The following TEX10 variants were observed in gnomAD, a reference collection of about 807,000 sequenced individuals.
The protein encoded by TEX10 is testis-expressed protein 10.
TEX10 carries 24 observed loss-of-function variants against 104.4 expected under a neutral mutation model. That is an observed-to-expected ratio of 0.23 (90% CI 0.17 to 0.32). TEX10 has a LOEUF of 0.32. Ranked by LOEUF, TEX10 falls within the 10% of genes least tolerant of loss-of-function variation. The pLI, the probability that TEX10 is intolerant of heterozygous loss-of-function variation, is 1.00. For synonymous variants in TEX10, 396 were observed against 393.4 expected (o/e 1.01, Z -0.08); for missense variants, 921 against 1,083.9 (o/e 0.85, Z 2.11).
At chr9:100,349,853 C>T (rs1005824207) in intron 1 of TEX10, among the ~76,000 whole-genome samples, 10 of 152,036 alleles carry the variant, frequency 6.6e-5, no homozygotes, top group African/African-American at 1.5e-4. Flanking sequence ...GATTTATGAA[C>T]CTAAGCTGAG....
chr9:100,321,718 A>T lies in TEX10; in HGVS notation c.2033T>A (p.Val678Glu). The change falls in exon 10 of 15, where the codon GTA becomes GAA. Residue 678 changes from valine to glutamate, a missense_variant. Physicochemically the swap from Val to Glu is moderately radical, Grantham distance 121 (BLOSUM62 -2). This residue lies in a region of TEX10 where 753 missense variants were observed against 868.4 expected (regional missense o/e 0.87). Transcript: ENST00000374902. ...GGAAAATAAGAAGCTGAAATAGTCT[A>T]CATCACTCATCAACCAGTCTTTAGC... ...YSAKDWLMSD[V>E]DYFSFLFSTL... The T allele has an allele frequency of 2.5e-6, 4 of 1,612,730 alleles. No individual in the cohort carries two copies. Among genetic ancestry groups the T allele is most frequent in the Non-Finnish European group, 3.4e-6 (4 of 1,179,710 alleles).
At chr9:100,352,621 G>A (rs2118953989) in intron 1 of TEX10, 151 bp downstream of exon 1, 2 of 1,468,150 alleles carry the variant, frequency 1.4e-6, no homozygotes, top group Admixed American at 2.3e-5. Flanking sequence ...CCCAGGCCCA[G>A]CTCGGAGGGA....
intron 5 of TEX10, among the ~76,000 whole-genome samples, chr9:100,335,699 C>T (rs1424102141): frequency 6.6e-6 from 1 of 151,180 alleles, no homozygotes; most frequent in Non-Finnish European, 1.5e-5. Context: ...ATCATTAGTG[C>T]AAATGTCAAA....
chr9:100,352,331 C>T, intron 1 of TEX10: 1 of 1,548,956 alleles, frequency 6.5e-7, no homozygotes, highest in Non-Finnish European at 8.7e-7. Context: ...TTAACTCTCC[C>T]GCCTGGGCGA....
In TEX10 at chr9:100,310,293, A is replaced by T; in HGVS notation, c.2283+6T>A. 2 of 1,613,464 alleles carry T rather than the reference A, an allele frequency of 1.2e-6. No homozygotes were observed. The highest frequency in any genetic ancestry group is 1.7e-6 in the Non-Finnish European group (2 of 1,179,488). On this transcript the variant is annotated splice_donor_region_variant and intron_variant, in intron 12 of 14. Transcript: ENST00000374902. ...TTCTTAAGAGAAAAAGTTTAAGGAT[A>T]CTTACCAAATGCTTACTGATGGCAC...
At chr9:100,318,439 T>A (rs1564206637) in intron 11 of TEX10, among the ~76,000 whole-genome samples, 1 of 152,102 alleles carries the variant, frequency 6.6e-6, no homozygotes, top group Non-Finnish European at 1.5e-5. Context: ...GAGTGTGAAA[T>A]GACATACAAT....
chr9:100,339,306 CAT>C (rs1256475968), intron 5 of TEX10, among the ~76,000 whole-genome samples: 11 of 108,350 alleles, frequency 1.0e-4, no homozygotes, highest in African/African-American at 4.0e-4. Flanking sequence ...TATATATACA[CAT>C]ATTTGTTTTT....
At chr9:100,314,615 C>A (rs1450795137) in intron 11 of TEX10, among the ~76,000 whole-genome samples, 1 of 152,066 alleles carries the variant, frequency 6.6e-6, no homozygotes, top group African/African-American at 2.4e-5. Context: ...CTTCACTATT[C>A]TTCCTTAGTC....
In TEX10 at chr9:100,302,120, T is replaced by A; in HGVS notation, c.*71A>T. The A allele has an allele frequency of 1.1e-6, 1 of 890,260 alleles. No individual in the cohort carries two copies. Among genetic ancestry groups the A allele is most frequent in the Non-Finnish European group, 1.7e-6 (1 of 596,050 alleles). The allele number at this position is 890,260 out of a possible 1,614,324, so 55.1% of individuals were successfully genotyped here. On this transcript the variant is annotated 3_prime_UTR_variant, in exon 15 of 15. Transcript: ENST00000374902. ...TTCAGCTTTAATGACAAAGATCTAT[T>A]ACATCAGTCTTTTTCTTCAAATAAG...
At chr9:100,339,221 G>A (rs1835093437) in intron 5 of TEX10, among the ~76,000 whole-genome samples, 1 of 113,156 alleles carries the variant, frequency 8.8e-6, no homozygotes, top group African/African-American at 3.6e-5. Context: ...GCCACAGCCT[G>A]GGAAACAGAG....
intron 5 of TEX10, among the ~76,000 whole-genome samples, chr9:100,335,614 T>C (rs1175956624): frequency 6.6e-6 from 1 of 152,192 alleles, no homozygotes; most frequent in Non-Finnish European, 1.5e-5. Context: ...AGAATACATG[T>C]CTACTAGTAT....
At position 100,326,464 on chromosome 9, in the gene TEX10, G is replaced by C; in HGVS notation, c.1817C>G (p.Ala606Gly). 6.2e-7 allele frequency: 1 copy of C among 1,613,272 alleles called. No homozygotes were observed. Among genetic ancestry groups the C allele is most frequent in the South Asian group, 1.1e-5 (1 of 90,998 alleles). ...ALRIYDPQEG[A>G]VVVLPADSQQ... ...AGAGTCTGCAGGGAGAACCACCACAGCACCTTCTTGTGGATCTAGTGAGGT... is the reference window on the plus strand; with the variant it reads ...AGAGTCTGCAGGGAGAACCACCACACCACCTTCTTGTGGATCTAGTGAGGT... Residue 606 changes from alanine (A) to glycine (G), a missense_variant, in exon 9 of 15, where the codon GCT (alanine) becomes GGT (glycine). By Grantham distance (60) the Ala-to-Gly change is moderately conservative. Coordinates refer to ENST00000374902, the MANE Select transcript of TEX10 (RefSeq NM_017746.4).
At chr9:100,346,562 A>C (rs1835303667) in intron 3 of TEX10, 132 bp downstream of exon 3, 2 of 1,084,784 alleles carry the variant, frequency 1.8e-6, no homozygotes, top group African/African-American at 3.1e-5. Flanking sequence ...TCAGTAAATA[A>C]AATCAAATCA....
At chr9:100,323,888 T>A (rs957586801) in intron 9 of TEX10, among the ~76,000 whole-genome samples, 1 of 152,182 alleles carries the variant, frequency 6.6e-6, no homozygotes, top group African/African-American at 2.4e-5. Context: ...ACAGGATGCA[T>A]AGGACTGAGA....
intron 11 of TEX10, among the ~76,000 whole-genome samples, chr9:100,311,414 T>TG (rs1474724692): frequency 6.6e-6 from 1 of 152,126 alleles, no homozygotes. Flanking sequence ...AAATAAGTGT[T>TG]ATTCAAGGAC....
In TEX10 at chr9:100,330,075, T is replaced by C. The variant is rs191772783; in HGVS notation, c.1345A>G (p.Thr449Ala). 685 of 1,614,160 alleles carry C rather than the reference T, an allele frequency of 4.2e-4. No individual in the cohort carries two copies. The highest frequency in any genetic ancestry group is 5.1e-4 in the Non-Finnish European group (598 of 1,180,012). The change falls in exon 6 of 15, where the codon ACT (threonine) becomes GCT (alanine). Residue 449 changes from threonine to alanine, a missense_variant. Thr to Ala is a moderately conservative substitution (Grantham distance 58). Around this residue, in one of 3 missense-constraint regions of TEX10, gnomAD observed 753 missense variants for 868.4 expected, o/e 0.87. Transcript: ENST00000374902. ...DIMVSLANAS[T>A]LQKDCSWIEM... is the part of the protein sequence containing the mutation. The stretch of plus-strand genomic sequence containing the variant: ...ATCCAACTGCAATCCTTCTGCAAAG[T>C]TGACGCATTTGCCAGGGAGACCATG...
intron 11 of TEX10, among the ~76,000 whole-genome samples, chr9:100,313,931 T>C (rs1834347146): frequency 6.6e-6 from 1 of 151,942 alleles, no homozygotes; most frequent in Admixed American, 6.6e-5. Flanking sequence ...TATCACGTGA[T>C]ACTGGTGTCA....
At chr9:100,322,555 A>G (rs916904398) in intron 9 of TEX10, among the ~76,000 whole-genome samples, 3 of 152,138 alleles carry the variant, frequency 2.0e-5, no homozygotes, top group African/African-American at 7.2e-5. Flanking sequence ...AGGAACTTCT[A>G]ATTCACCTAT....
intron 3 of TEX10, 79 bp downstream of exon 3, chr9:100,346,615 C>T (rs1587744277): frequency 1.4e-6 from 2 of 1,407,612 alleles, no homozygotes; most frequent in East Asian, 2.3e-5. Context: ...TGCATGTCTT[C>T]CCACCAACAG....
Sources: gnomAD v4.1 joint callset for allele counts (sites outside exome capture counted in the v4.1 genomes callset) on GRCh38, gnomAD v4.1.1 for gene constraint, gnomAD v4.1.1 regional missense constraint, MANE v1.5 for transcripts, NCBI Gene and HGNC (gene_info 2026-07-23, HGNC 2026-07-21) for gene names.